The following DCLK1 variants were observed in gnomAD, a reference collection of about 807,000 sequenced individuals.
DCLK1 encodes the protein doublecortin like kinase 1.
Under a neutral mutation model 86.2 loss-of-function variants are expected in DCLK1, and 16 were observed. The ratio of observed to expected loss-of-function variants is 0.19; its 90% CI spans 0.13 to 0.28. The LOEUF (loss-of-function observed/expected upper bound fraction) is 0.28. DCLK1 is among the 10% of genes least tolerant of loss of function. The pLI is 1.00. For missense variants in DCLK1, 590 were observed against 940.2 expected, an observed-to-expected ratio of 0.63 and a Z score of 4.87; for synonymous variants, 369 against 370.5, an observed-to-expected ratio of 1.00 and a Z score of 0.05.
intron 2 of DCLK1, among the ~76,000 whole-genome samples, chr13:36,122,595 C>T (rs930142580): frequency 6.6e-6 from 1 of 152,138 alleles, no homozygotes; most frequent in Admixed American, 6.5e-5. Context: ...CATTTACCTA[C>T]CTACAGTAGA....
chr13:35,868,148 G>A (rs1028818728), intron 5 of DCLK1, among the ~76,000 whole-genome samples: 6 of 150,648 alleles, frequency 4.0e-5, no homozygotes, highest in Admixed American at 3.3e-4. Context: ...TCAGCCTCCC[G>A]AGTAGCTGGG....
At chr13:35,860,285 C>A (rs1871304669) in intron 5 of DCLK1, among the ~76,000 whole-genome samples, 1 of 150,142 alleles carries the variant, frequency 6.7e-6, no homozygotes, top group Non-Finnish European at 1.5e-5. Context: ...TCCTTGCTTG[C>A]CACATTATTG....
At chr13:36,128,451 A>G (rs935085194) in intron 1 of DCLK1, among the ~76,000 whole-genome samples, 1 of 152,190 alleles carries the variant, frequency 6.6e-6, no homozygotes, top group Admixed American at 6.5e-5. Context: ...CATGAGAAGC[A>G]GGATTTTGTA....
intron 3 of DCLK1, among the ~76,000 whole-genome samples, chr13:36,015,643 A>G (rs1192829489): frequency 6.6e-6 from 1 of 152,082 alleles, no homozygotes; most frequent in Non-Finnish European, 1.5e-5. Context: ...AGCAGCCCTT[A>G]CCCTGTAAAA....
At chr13:36,048,170 T>A (rs1009005495) in intron 3 of DCLK1, among the ~76,000 whole-genome samples, 2 of 152,104 alleles carry the variant, frequency 1.3e-5, no homozygotes, top group Non-Finnish European at 2.9e-5. Context: ...TAAAAAGTAG[T>A]CTGTGAATGC....
chr13:36,014,661 T>A (rs1881457649), intron 3 of DCLK1, among the ~76,000 whole-genome samples: 1 of 152,188 alleles, frequency 6.6e-6, no homozygotes, highest in Non-Finnish European at 1.5e-5. Flanking sequence ...TCAGGTAAAC[T>A]GATCACAATT....
At chr13:36,104,989 G>C (rs1476238343) in intron 3 of DCLK1, among the ~76,000 whole-genome samples, 1 of 152,078 alleles carries the variant, frequency 6.6e-6, no homozygotes, top group Non-Finnish European at 1.5e-5. Flanking sequence ...CCTACCATGT[G>C]TCAAGCCAAG....
intron 11 of DCLK1, among the ~76,000 whole-genome samples, chr13:35,815,440 C>T (rs954032598): frequency 6.6e-5 from 10 of 152,052 alleles, no homozygotes; most frequent in Admixed American, 1.3e-4. Context: ...AGTGTTTCTA[C>T]GAATCCAAGG....
At chr13:36,030,438 AG>A (rs901580977) in intron 3 of DCLK1, among the ~76,000 whole-genome samples, 2 of 147,106 alleles carry the variant, frequency 1.4e-5, no homozygotes, top group East Asian at 4.0e-4. Context: ...CTGGGATTGT[AG>A]GTGCCCGCCA....
chr13:35,991,525 G>T (rs1446795912), intron 3 of DCLK1, among the ~76,000 whole-genome samples: 1 of 151,960 alleles, frequency 6.6e-6, no homozygotes, highest in Non-Finnish European at 1.5e-5. Context: ...AGCCAGGTGT[G>T]GTGGTGCATG....
intron 3 of DCLK1, among the ~76,000 whole-genome samples, chr13:35,949,298 T>C (rs1479977532): frequency 6.6e-6 from 1 of 152,216 alleles, no homozygotes; most frequent in Non-Finnish European, 1.5e-5. Flanking sequence ...AAATCCAGTA[T>C]TTCCCAAACT....
chr13:36,044,635 A>C (rs1450775413), intron 3 of DCLK1, among the ~76,000 whole-genome samples: 2 of 152,180 alleles, frequency 1.3e-5, no homozygotes, highest in African/African-American at 4.8e-5. Flanking sequence ...AAAAAGAGCA[A>C]ATTTTGCAGC....
intron 3 of DCLK1, among the ~76,000 whole-genome samples, chr13:36,065,169 C>A (rs536323026): frequency 2.6e-5 from 4 of 152,158 alleles, no homozygotes; most frequent in Non-Finnish European, 5.9e-5. Flanking sequence ...ATTGAAATCC[C>A]ACCTCTACCA....
intron 3 of DCLK1, among the ~76,000 whole-genome samples, chr13:35,958,042 CCACCAT>C (rs1878127862): frequency 2.5e-5 from 3 of 118,942 alleles, no homozygotes; most frequent in African/African-American, 8.5e-5. Context: ...ACCACCACCA[CCACCAT>C]CACCACTATA....
intron 3 of DCLK1, among the ~76,000 whole-genome samples, chr13:36,002,055 C>A (rs1406313706): frequency 6.6e-6 from 1 of 152,164 alleles, no homozygotes; most frequent in Non-Finnish European, 1.5e-5. Flanking sequence ...AAAACAACAA[C>A]TCTACTCACA....
intron 16 of DCLK1, among the ~76,000 whole-genome samples, chr13:35,787,102 C>G (rs749979774): frequency 2.5e-4 from 37 of 150,698 alleles, no homozygotes; most frequent in Non-Finnish European, 4.6e-4. Flanking sequence ...TATATATACA[C>G]ACACATACAC....
intron 4 of DCLK1, among the ~76,000 whole-genome samples, chr13:35,915,123 T>C (rs958208109): frequency 6.6e-6 from 1 of 152,266 alleles, no homozygotes; most frequent in Non-Finnish European, 1.5e-5. Flanking sequence ...TAAGCTCAAG[T>C]ATAATGCTAT....
At position 35,854,604 on chromosome 13, in the gene DCLK1, A is replaced by G; in HGVS notation, c.941-11T>C. The stretch of plus-strand genomic sequence containing the variant: ...CAGGGGTTCCATTAACTAGAAATAC[A>G]AAGAATCACACACAGAGAAAAATGG... On this transcript the variant is annotated splice_polypyrimidine_tract_variant and intron_variant, in intron 5 of 16. Coordinates refer to ENST00000360631, the MANE Select transcript of DCLK1 (RefSeq NM_001330071.2). The G allele has an allele frequency of 6.3e-7, 1 of 1,576,410 alleles. No homozygotes were observed. Among genetic ancestry groups the G allele is most frequent in the South Asian group, 1.2e-5 (1 of 85,368 alleles).
chr13:36,047,033 CA>C (rs1450972594), intron 3 of DCLK1, among the ~76,000 whole-genome samples: 1 of 152,164 alleles, frequency 6.6e-6, no homozygotes, highest in Non-Finnish European at 1.5e-5. Context: ...CTTGAAAAGA[CA>C]TTTTTCAAAA....
Sources: gnomAD v4.1 joint callset for allele counts (sites outside exome capture counted in the v4.1 genomes callset) on GRCh38, gnomAD v4.1.1 for gene constraint, MANE v1.5 for transcripts, NCBI Gene and HGNC (gene_info 2026-07-23, HGNC 2026-07-21) for gene names.